LRFN5: variants seen among roughly 807,000 people sequenced by gnomAD.
The protein encoded by LRFN5 is leucine rich repeat and fibronectin type III domain containing 5.
In LRFN5, 24 loss-of-function variants were observed where a neutral mutation model predicts 45.6. That is an observed-to-expected ratio of 0.53 (90% CI 0.38 to 0.74). LRFN5 has a LOEUF of 0.74. Among genes scored for constraint, LRFN5 ranks in the 30% least tolerant of loss-of-function variants. The pLI, the probability that LRFN5 is intolerant of heterozygous loss-of-function variation, is 0.00. For missense variants in LRFN5, 776 were observed against 861.5 expected, an observed-to-expected ratio of 0.90 and a Z score of 1.24; for synonymous variants, 340 against 313.8, an observed-to-expected ratio of 1.08 and a Z score of -0.88.
At chr14:41,611,018 T>G (rs1887739222) in intron 1 of LRFN5, among the ~76,000 whole-genome samples, 1 of 152,064 alleles carries the variant, frequency 6.6e-6, no homozygotes, top group Admixed American at 6.5e-5. Flanking sequence ...ACTTGGAAAA[T>G]AAGGTGTTTT....
At chr14:41,618,252 G>A (rs1594553245) in intron 1 of LRFN5, among the ~76,000 whole-genome samples, 1 of 152,190 alleles carries the variant, frequency 6.6e-6, no homozygotes, top group Admixed American at 6.5e-5. Flanking sequence ...ATTCAAAATG[G>A]CCGCAAATTC....
chr14:41,628,910 G>A (rs1566594593), intron 1 of LRFN5, among the ~76,000 whole-genome samples: 1 of 152,062 alleles, frequency 6.6e-6, no homozygotes, highest in Non-Finnish European at 1.5e-5. Flanking sequence ...GCACAGAGAT[G>A]GTGCATGTTG....
intron 1 of LRFN5, among the ~76,000 whole-genome samples, chr14:41,751,477 C>G (rs1885128950): frequency 6.6e-6 from 1 of 151,966 alleles, no homozygotes; most frequent in Admixed American, 6.6e-5. Flanking sequence ...GAATGGACTT[C>G]TAGATATGTT....
At chr14:41,666,726 A>AT (rs1301307217) in intron 1 of LRFN5, among the ~76,000 whole-genome samples, 1 of 152,084 alleles carries the variant, frequency 6.6e-6, no homozygotes, top group Non-Finnish European at 1.5e-5. Context: ...TTCCTGTTAA[A>AT]TTTTTTTGTG....
At chr14:41,740,896 A>C in intron 1 of LRFN5, among the ~76,000 whole-genome samples, 1 of 152,038 alleles carries the variant, frequency 6.6e-6, no homozygotes, top group Admixed American at 6.6e-5. Flanking sequence ...ATGAAAACAA[A>C]ATTTAAAAAA....
intron 1 of LRFN5, among the ~76,000 whole-genome samples, chr14:41,628,734 A>G (rs1950829): frequency 0.39 from 58,632 of 152,102 alleles, 12,896 homozygotes; most frequent in Non-Finnish European, 0.51. Context: ...TTGAGCACCA[A>G]TATGATGTCT....
chr14:41,781,566 AAG>A (rs1162681232), intron 2 of LRFN5, among the ~76,000 whole-genome samples: 1 of 38,468 alleles, frequency 2.6e-5, no homozygotes, highest in African/African-American at 1.8e-4. Flanking sequence ...AAGAGAAAGA[AAG>A]AAAGAAAGAA....
intron 1 of LRFN5, among the ~76,000 whole-genome samples, chr14:41,620,342 G>A (rs954342163): frequency 8.6e-5 from 13 of 152,008 alleles, no homozygotes; most frequent in Non-Finnish European, 1.5e-4. Flanking sequence ...GGTTGTTTAG[G>A]GTTTTGAAGT....
At chr14:41,755,318 C>G (rs142904437) in intron 1 of LRFN5, among the ~76,000 whole-genome samples, 1,990 of 152,208 alleles carry the variant, frequency 0.013, 14 homozygotes, top group Middle Eastern at 0.037. Context: ...CCTGGATATC[C>G]TTGTTAACTT....
chr14:41,898,629 C>T lies in LRFN5; in HGVS notation c.2099-288C>T, dbSNP rs1388049907. ...TCGATTATCTTATTGAACTCTGTCA[C>T]GAATACCAAATGCATATTGAAAATC... On this transcript the variant is annotated intron_variant, in intron 4 of 5. Coordinates refer to ENST00000298119, the MANE Select transcript of LRFN5 (RefSeq NM_152447.5). Among the ~76,000 whole-genome samples the T allele has an allele frequency of 3.9e-5, 6 of 151,906 alleles. No homozygotes were observed. The East Asian group carries it at 7.7e-4, about 20-fold the overall frequency.
rs1887549069 is a variant in LRFN5, at chr14:41,607,677, C to G, written c.-1082C>G. On this transcript the variant is annotated 5_prime_UTR_variant, in exon 1 of 6. Transcript: ENST00000298119. Reference sequence around the variant, plus strand: ...TCTGAGGACGCCCAGACCCATTTTCCTGGCTGGATTTGGAGCGGCTGCTGG... The same window carrying G: ...TCTGAGGACGCCCAGACCCATTTTCGTGGCTGGATTTGGAGCGGCTGCTGG... The G allele has an allele frequency of 1.3e-5, 2 of 152,328 alleles. No homozygotes were observed. The highest frequency in any genetic ancestry group is 2.4e-5 in the African/African-American group (1 of 41,448). 9.4% of individuals were successfully genotyped at this position (152,328 alleles called of 1,614,324 possible). A position where few individuals can be genotyped will look rare whatever the true frequency, so the allele number is the denominator to read the frequency against.
intron 2 of LRFN5, among the ~76,000 whole-genome samples, chr14:41,819,225 T>C (rs887459992): frequency 1.1e-4 from 17 of 152,274 alleles, no homozygotes; most frequent in African/African-American, 3.8e-4. Flanking sequence ...GATTATTGAT[T>C]TTCCCTTGGG....
At chr14:41,722,740 A>C (rs1007096117) in intron 1 of LRFN5, among the ~76,000 whole-genome samples, 1 of 152,136 alleles carries the variant, frequency 6.6e-6, no homozygotes, top group Non-Finnish European at 1.5e-5. Context: ...CTTATGGGTA[A>C]GTGCCAGATG....
chr14:41,644,744 G>A (rs568098142), intron 1 of LRFN5, among the ~76,000 whole-genome samples: 2 of 152,068 alleles, frequency 1.3e-5, no homozygotes, highest in Admixed American at 6.6e-5. Flanking sequence ...ACTTTCAGTC[G>A]CTCCATTATT....
rs61742049 is a variant in LRFN5, at chr14:41,887,339, T to C, written c.714T>C (p.Gly238=). ...ISPSTFALSF[G]GNPLHCNCEL... The stretch of plus-strand genomic sequence containing the variant: ...CATCTACTTTTGCATTAAGTTTTGG[T>C]GGAAACCCCTTGCATTGCAATTGTG... The change falls in exon 3 of 6, where the codon GGT becomes GGC. Residue 238 remains glycine, a synonymous_variant. Coordinates refer to ENST00000298119, the MANE Select transcript of LRFN5 (RefSeq NM_152447.5). The surrounding 1 kb of genome is among the most constrained non-coding windows in gnomAD (Gnocchi z 4.8). 27 of 1,614,182 alleles carry C rather than the reference T, an allele frequency of 1.7e-5. No individual in the cohort carries two copies. The highest frequency in any genetic ancestry group is 1.5e-4 in the Admixed American group (9 of 60,022).
chr14:41,667,834 CT>C lies in LRFN5; in HGVS notation c.-197+59273del, dbSNP rs143537892. 6.7e-3 allele frequency among the ~76,000 whole-genome samples: 1,024 copies of C among 152,226 alleles called. 9 individuals are homozygous for C. The highest frequency in any genetic ancestry group is 0.021 in the African/African-American group (869 of 41,552). On this transcript the variant is annotated intron_variant, in intron 1 of 5. Transcript: ENST00000298119. ...CACTGACAACTACTGAGCATGGCTT[CT>C]GACAGTTTATACCTATTTATAATTA...
At chr14:41,874,241 A>G (rs900459629) in intron 2 of LRFN5, among the ~76,000 whole-genome samples, 6 of 152,158 alleles carry the variant, frequency 3.9e-5, no homozygotes, top group Admixed American at 3.9e-4. Context: ...CTGCAATGAG[A>G]TGCAGTAGAA....
chr14:41,825,135 T>C (rs962685147), intron 2 of LRFN5, among the ~76,000 whole-genome samples: 5 of 152,082 alleles, frequency 3.3e-5, no homozygotes, highest in African/African-American at 1.2e-4. Flanking sequence ...TGCCGCTCCA[T>C]GTAGAAAGGG....
rs79977423 is a variant in LRFN5, at chr14:41,633,633, C to T, written c.-197+25071C>T. ...AGGTCCAATTCCATAAAAGTCATTG[C>T]AATTATGACATTATGTGTCACAAAG... On this transcript the variant is annotated intron_variant, in intron 1 of 5. Coordinates refer to ENST00000298119, the MANE Select transcript of LRFN5 (RefSeq NM_152447.5). Among the ~76,000 whole-genome samples, 637 of 152,094 alleles carry T rather than the reference C, an allele frequency of 4.2e-3. 4 individuals carry two copies. The highest frequency in any genetic ancestry group is 5.3e-3 in the Non-Finnish European group (360 of 67,960).
Sources: gnomAD v4.1 joint callset for allele counts (sites outside exome capture counted in the v4.1 genomes callset) on GRCh38, gnomAD v4.1.1 for gene constraint, Gnocchi (gnomAD v3.1) non-coding constraint, MANE v1.5 for transcripts, NCBI Gene and HGNC (gene_info 2026-07-23, HGNC 2026-07-21) for gene names.